SLC16A14: variants seen among roughly 807,000 people sequenced by gnomAD.
The protein encoded by SLC16A14 is monocarboxylate transporter 14.
SLC16A14 carries 14 observed loss-of-function variants against 35.8 expected under a neutral mutation model. The ratio of observed to expected loss-of-function variants is 0.39; its 90% CI spans 0.26 to 0.61. SLC16A14 has a LOEUF of 0.61. Among genes scored for constraint, SLC16A14 ranks in the 20% least tolerant of loss-of-function variants. SLC16A14 has a pLI of 0.51. For synonymous variants in SLC16A14, 248 were observed against 258.9 expected (o/e 0.96, Z 0.40); for missense variants, 533 against 655.0 (o/e 0.81, Z 2.03).
intron 4 of SLC16A14, among the ~76,000 whole-genome samples, chr2:230,040,306 C>A (rs530380767): frequency 6.6e-6 from 1 of 152,082 alleles, no homozygotes; most frequent in Non-Finnish European, 1.5e-5. Flanking sequence ...GCAGCCTCCA[C>A]TCCCCCGGGT....
chr2:230,061,026 A>T (rs2077748359), intron 1 of SLC16A14, among the ~76,000 whole-genome samples: 3 of 152,310 alleles, frequency 2.0e-5, no homozygotes, highest in Non-Finnish European at 4.4e-5. Flanking sequence ...AACAAGTGGA[A>T]ATGATTGCTG....
intron 2 of SLC16A14, among the ~76,000 whole-genome samples, chr2:230,051,937 CT>C (rs11303379): frequency 0.071 from 9,934 of 139,282 alleles, 432 homozygotes; most frequent in East Asian, 0.14. Context: ...ATTAAACATA[CT>C]TTTTTTTTTT....
At chr2:230,040,841 A>T (rs531267525) in intron 4 of SLC16A14, among the ~76,000 whole-genome samples, 49 of 152,266 alleles carry the variant, frequency 3.2e-4, no homozygotes, top group African/African-American at 1.1e-3. Flanking sequence ...ACCCAGTCGG[A>T]TGTAAAGCAG....
chr2:230,062,461 G>A (rs1227699734), intron 1 of SLC16A14, among the ~76,000 whole-genome samples: 1 of 148,630 alleles, frequency 6.7e-6, no homozygotes, highest in African/African-American at 2.5e-5. Flanking sequence ...TGATCCTTCT[G>A]CCTCAGCCTC....
chr2:230,044,740 G>GTGTGTGTGTA (rs1553818073), intron 4 of SLC16A14, among the ~76,000 whole-genome samples: 1,580 of 143,014 alleles, frequency 0.011, 9 homozygotes, highest in African/African-American at 0.04. Context: ...GTGTGTGTAT[G>GTGTGTGTGTA]TGTGTGTGTG....
chr2:230,035,290 A>G lies in SLC16A14; in HGVS notation c.*2090T>C, dbSNP rs1289069519. 3.3e-5 allele frequency: 5 copies of G among 152,658 alleles called. No individual in the cohort carries two copies. Among genetic ancestry groups the G allele is most frequent in the African/African-American group, 1.2e-4 (5 of 41,460 alleles). 9.5% of individuals were successfully genotyped at this position (152,658 alleles called of 1,614,324 possible). A position where few individuals can be genotyped will look rare whatever the true frequency, so the allele number is the denominator to read the frequency against. ...CACACAACTGTACAAACTGAACGTG[A>G]GCAAGTCTAACTTAGATGTAATTAG... On this transcript the variant is annotated 3_prime_UTR_variant, in exon 5 of 5. Coordinates refer to ENST00000295190, the MANE Select transcript of SLC16A14 (RefSeq NM_152527.5).
chr2:230,048,943 A>AAGG (rs1553819304), intron 3 of SLC16A14, among the ~76,000 whole-genome samples: 1 of 107,308 alleles, frequency 9.3e-6, no homozygotes, highest in Non-Finnish European at 1.9e-5. Context: ...AAAAAAAAAA[A>AAGG]AACAAATGAT....
At chr2:230,044,165 T>C (rs868810357) in intron 4 of SLC16A14, among the ~76,000 whole-genome samples, 6 of 152,060 alleles carry the variant, frequency 3.9e-5, no homozygotes, top group South Asian at 2.1e-4. Flanking sequence ...AATGTAATCA[T>C]AGACACCCTT....
At position 230,044,293 on chromosome 2, in the gene SLC16A14, T is replaced by C. The variant is rs533427270; in HGVS notation, c.1381+1452A>G. Among the ~76,000 whole-genome samples the C allele has an allele frequency of 1.0e-4, 15 of 145,930 alleles. No individual in the cohort carries two copies. The South Asian group carries it at 3.3e-3, about 32-fold the overall frequency. On this transcript the variant is annotated intron_variant, in intron 4 of 4. Coordinates refer to ENST00000295190, the MANE Select transcript of SLC16A14 (RefSeq NM_152527.5). ...TTCGAGACCAGCCTGGCCAATATGG[T>C]GAAACCCCGTCTCTACTTAAAAAAA... is the stretch of plus-strand genomic sequence containing the variant.
At chr2:230,066,390 G>A (rs1384452065) in intron 1 of SLC16A14, among the ~76,000 whole-genome samples, 4 of 152,136 alleles carry the variant, frequency 2.6e-5, no homozygotes, top group African/African-American at 4.8e-5. Context: ...GTTATGAAGA[G>A]GGTGAAATAA....
chr2:230,044,304 C>T (rs2077583026), intron 4 of SLC16A14, among the ~76,000 whole-genome samples: 2 of 146,524 alleles, frequency 1.4e-5, no homozygotes, highest in African/African-American at 5.0e-5. Flanking sequence ...GAAACCCCGT[C>T]TCTACTTAAA....
In SLC16A14 at chr2:230,059,261, C is replaced by T. The variant is rs1258939451; in HGVS notation, c.92G>A (p.Gly31Glu). ...TLKPHPNIDG[G>E]WAWMMVLSSF... ...GGAGAGCACCATCATCCAAGCCCAT[C>T]CGCCATCAATGTTTGGGTGGGGCTT... The change falls in exon 2 of 5, where the codon GGA (glycine) becomes GAA (glutamate). Residue 31 changes from glycine (G) to glutamate (E), a missense_variant. Coordinates refer to ENST00000295190, the MANE Select transcript of SLC16A14 (RefSeq NM_152527.5). 6.2e-7 allele frequency: 1 copy of T among 1,614,136 alleles called. No individual in the cohort carries two copies. The highest frequency in any genetic ancestry group is 1.3e-5 in the African/African-American group (1 of 75,066).
chr2:230,047,073 C>T (rs1357810193), intron 3 of SLC16A14, among the ~76,000 whole-genome samples: 2 of 152,192 alleles, frequency 1.3e-5, no homozygotes, highest in African/African-American at 4.8e-5. Context: ...GCCCAGATCA[C>T]ATGGCACGTG....
At chr2:230,066,968 T>C (rs1174452291) in intron 1 of SLC16A14, 1 of 203,566 alleles carries the variant, frequency 4.9e-6, no homozygotes, top group Non-Finnish European at 1.0e-5. Flanking sequence ...TTACATTGCA[T>C]GTGGTGAGCT....
Position 230,046,569 on chromosome 2 carries a change from T to C in SLC16A14, c.557A>G (p.Tyr186Cys), listed in dbSNP as rs1461326149. The stretch of plus-strand genomic sequence containing the variant: ...GATCAACATGGCATTCCTCCAGCCG[T>C]ACTCTGCGCACAGGTACTTCAGCAG... ...TVLLKYLCAE[Y>C]GWRNAMLIQG... The change falls in exon 4 of 5, where the codon TAC (tyrosine) becomes TGC (cysteine). Residue 186 changes from tyrosine (Y) to cysteine (C), a missense_variant. Physicochemically the swap from Tyr to Cys is radical, Grantham distance 194. Transcript: ENST00000295190. The surrounding 1 kb of genome is among the most constrained non-coding windows in gnomAD (Gnocchi z 5.0). The C allele has an allele frequency of 1.2e-5, 20 of 1,614,192 alleles. No homozygotes were observed. The highest frequency in any genetic ancestry group is 1.7e-5 in the Non-Finnish European group (20 of 1,180,036).
chr2:230,041,688 A>G (rs2106243973), intron 4 of SLC16A14, among the ~76,000 whole-genome samples: 1 of 152,334 alleles, frequency 6.6e-6, no homozygotes, highest in Middle Eastern at 3.4e-3. Context: ...AATAAATTAG[A>G]ACAAGAAGTC....
intron 3 of SLC16A14, among the ~76,000 whole-genome samples, chr2:230,047,227 C>G (rs1403152366): frequency 6.6e-6 from 1 of 151,068 alleles, no homozygotes; most frequent in South Asian, 2.1e-4. Context: ...GCCTATAACA[C>G]AAAAATCCCA....
At chr2:230,060,689 G>C (rs75832718) in intron 1 of SLC16A14, among the ~76,000 whole-genome samples, 1 of 150,858 alleles carries the variant, frequency 6.6e-6, no homozygotes, top group Admixed American at 6.6e-5. Flanking sequence ...TTTTTTTTGG[G>C]GGGAGGGGAT....
At position 230,045,541 on chromosome 2, in the gene SLC16A14, T is replaced by C. The variant is rs576313793; in HGVS notation, c.1381+204A>G. On this transcript the variant is annotated intron_variant, in intron 4 of 4. Transcript: ENST00000295190. ...CACCACTGCACTCCAGCTGGGGCGA[T>C]AGAGCGAGACTCCGTCTTGAAAAAA... The C allele has an allele frequency of 5.7e-4, 340 of 600,830 alleles. 1 individual carries two copies. The highest frequency in any genetic ancestry group is 7.7e-4 in the Non-Finnish European group (263 of 342,816). The allele number at this position is 600,830 out of a possible 1,614,324, so 37.2% of individuals were successfully genotyped here. A position where few individuals can be genotyped will look rare whatever the true frequency, so the allele number is the denominator to read the frequency against.
Sources: gnomAD v4.1 joint callset for allele counts (sites outside exome capture counted in the v4.1 genomes callset) on GRCh38, gnomAD v4.1.1 for gene constraint, Gnocchi (gnomAD v3.1) non-coding constraint, MANE v1.5 for transcripts, NCBI Gene and HGNC (gene_info 2026-07-23, HGNC 2026-07-21) for gene names.